Variants in VAC14 observed in about 807,000 individuals in gnomAD.
VAC14 encodes VAC14 component of PIKFYVE complex.
In VAC14, 47 loss-of-function variants were observed where a neutral mutation model predicts 85.3. That is an observed-to-expected ratio of 0.55 (90% CI 0.44 to 0.70). VAC14 has a LOEUF of 0.70. Among genes scored for constraint, VAC14 ranks in the 30% least tolerant of loss-of-function variants. The pLI is 0.00. For missense variants in VAC14, 861 were observed against 1,004.3 expected (o/e 0.86, Z 1.93); for synonymous variants, 447 against 430.5 (o/e 1.04, Z -0.47).
intron 14 of VAC14, among the ~76,000 whole-genome samples, chr16:70,700,962 G>A (rs1436460642): frequency 6.6e-6 from 1 of 152,232 alleles, no homozygotes; most frequent in East Asian, 1.9e-4. Flanking sequence ...GGCAGGCTGA[G>A]GAGGGTGCGG....
intron 8 of VAC14, among the ~76,000 whole-genome samples, chr16:70,781,140 T>C (rs2033792195): frequency 6.6e-6 from 1 of 152,078 alleles, no homozygotes; most frequent in African/African-American, 2.4e-5. Flanking sequence ...TTATTATTCA[T>C]GAGGGGGCTC....
intron 14 of VAC14, among the ~76,000 whole-genome samples, chr16:70,727,788 T>C (rs1460134982): frequency 6.6e-6 from 1 of 152,252 alleles, no homozygotes; most frequent in African/African-American, 2.4e-5. Context: ...GGAAGCCACA[T>C]GTTTGCAGGG....
intron 1 of VAC14, among the ~76,000 whole-genome samples, chr16:70,791,529 C>T (rs1430584396): frequency 6.6e-6 from 1 of 152,158 alleles, no homozygotes; most frequent in Non-Finnish European, 1.5e-5. Flanking sequence ...GAGTCACAGG[C>T]GCCTGCCATC....
Position 70,790,065 on chromosome 16 carries a change from C to T in VAC14, c.105-3700G>A, listed in dbSNP as rs1414302851. Among the ~76,000 whole-genome samples the T allele has an allele frequency of 2.6e-5, 4 of 152,304 alleles. No individual in the cohort carries two copies. The East Asian group carries it at 7.7e-4, about 29-fold the overall frequency. On this transcript the variant is annotated intron_variant, in intron 1 of 18. Coordinates refer to ENST00000261776, the MANE Select transcript of VAC14 (RefSeq NM_018052.5). Reference sequence around the variant, plus strand: ...GTGGATGAGAGCTATTCCCTGCCCCCAAGGAGCTCTCTGCCAGCGTGGGAA... The same window carrying T: ...GTGGATGAGAGCTATTCCCTGCCCCTAAGGAGCTCTCTGCCAGCGTGGGAA...
intron 13 of VAC14, among the ~76,000 whole-genome samples, chr16:70,741,201 C>T (rs1308110349): frequency 6.6e-6 from 1 of 152,250 alleles, no homozygotes; most frequent in Non-Finnish European, 1.5e-5. Context: ...GAGGGTATGG[C>T]TTCACAGCCT....
intron 14 of VAC14, among the ~76,000 whole-genome samples, chr16:70,702,725 C>G (rs916195903): frequency 5.3e-5 from 8 of 152,202 alleles, no homozygotes; most frequent in African/African-American, 1.4e-4. Flanking sequence ...AGGCTCAGGG[C>G]AGAGGGTGTG....
chr16:70,691,791 G>T, intron 18 of VAC14: 2 of 985,440 alleles, frequency 2.0e-6, no homozygotes, highest in Non-Finnish European at 2.4e-6. Context: ...CCGAGGGCCA[G>T]TCTGGGTGGG....
chr16:70,770,257 G>C (rs889403372), intron 10 of VAC14: 1 of 152,270 alleles, frequency 6.6e-6, no homozygotes, highest in African/African-American at 2.4e-5. Context: ...TGAGTCCTGT[G>C]GTTCTCAACA....
intron 14 of VAC14, among the ~76,000 whole-genome samples, chr16:70,726,847 CG>C (rs1221825886): frequency 6.6e-6 from 1 of 152,198 alleles, no homozygotes; most frequent in Non-Finnish European, 1.5e-5. Context: ...GCATCTCAAC[CG>C]TTATGTCCAC....
intron 12 of VAC14, among the ~76,000 whole-genome samples, chr16:70,758,646 C>T (rs921989526): frequency 4.6e-5 from 7 of 152,164 alleles, no homozygotes; most frequent in African/African-American, 1.7e-4. Context: ...GGCAGCATGG[C>T]GGCTGCCCAG....
chr16:70,740,359 G>A (rs1366198119), intron 13 of VAC14, among the ~76,000 whole-genome samples: 1 of 152,200 alleles, frequency 6.6e-6, no homozygotes, highest in Non-Finnish European at 1.5e-5. Flanking sequence ...GGTGACCTTT[G>A]GCCTCAGACT....
chr16:70,698,540 G>A (rs981565022), intron 15 of VAC14, 97 bp downstream of exon 15: 16 of 1,470,330 alleles, frequency 1.1e-5, no homozygotes, highest in Admixed American at 6.0e-5. Flanking sequence ...TCTTCTCCCT[G>A]AGAGCCTCCT....
intron 13 of VAC14, among the ~76,000 whole-genome samples, chr16:70,743,597 C>A (rs370752911): frequency 6.6e-6 from 1 of 152,168 alleles, no homozygotes; most frequent in Non-Finnish European, 1.5e-5. Context: ...AACCAAACTC[C>A]GGACACACCA....
At chr16:70,775,949 T>G (rs1279230010) in intron 9 of VAC14, among the ~76,000 whole-genome samples, 1 of 152,216 alleles carries the variant, frequency 6.6e-6, no homozygotes, top group Non-Finnish European at 1.5e-5. Flanking sequence ...TTATGTGTAT[T>G]TCCAAATTGG....
At chr16:70,718,465 G>A (rs1188355175) in intron 14 of VAC14, among the ~76,000 whole-genome samples, 6 of 151,090 alleles carry the variant, frequency 4.0e-5, no homozygotes, top group Admixed American at 2.6e-4. Flanking sequence ...CCAACTACTC[G>A]GGAGGCTGAG....
At chr16:70,770,547 G>C (rs1347378018) in intron 10 of VAC14, 1 of 152,244 alleles carries the variant, frequency 6.6e-6, no homozygotes, top group Non-Finnish European at 1.5e-5. Context: ...ATGTTGACTG[G>C]CATTAGCTGT....
chr16:70,735,435 G>A (rs1048103905), intron 13 of VAC14, among the ~76,000 whole-genome samples: 8 of 152,202 alleles, frequency 5.3e-5, no homozygotes, highest in African/African-American at 9.7e-5. Context: ...TGAATCTCAC[G>A]GAGGCGTCTG....
intron 7 of VAC14, among the ~76,000 whole-genome samples, chr16:70,782,584 G>C (rs371051211): frequency 6.6e-6 from 1 of 152,252 alleles, no homozygotes; most frequent in Non-Finnish European, 1.5e-5. Context: ...GTACTTGATT[G>C]AGCCTAGCCA....
chr16:70,782,808 C>G (rs1389898953), intron 7 of VAC14, among the ~76,000 whole-genome samples: 3 of 152,200 alleles, frequency 2.0e-5, no homozygotes, highest in Non-Finnish European at 2.9e-5. Flanking sequence ...CCACACACAC[C>G]AGGTGAAAGG....
Sources: gnomAD v4.1 joint callset for allele counts (sites outside exome capture counted in the v4.1 genomes callset) on GRCh38, gnomAD v4.1.1 for gene constraint, MANE v1.5 for transcripts, NCBI Gene and HGNC (gene_info 2026-07-23, HGNC 2026-07-21) for gene names.